CCDC174: variants seen among roughly 807,000 people sequenced by gnomAD.
CCDC174 encodes the protein coiled-coil domain-containing protein 174.
In CCDC174, 37 loss-of-function variants were observed where a neutral mutation model predicts 57.1. The observed-to-expected ratio is 0.65, with a 90% confidence interval of 0.50 to 0.85. CCDC174 has a LOEUF of 0.85. Among genes scored for constraint, CCDC174 ranks in the 40% least tolerant of loss-of-function variants. The pLI is 0.00. For missense variants in CCDC174, 540 were observed against 574.3 expected, an observed-to-expected ratio of 0.94 and a Z score of 0.61; for synonymous variants, 182 against 190.2, an observed-to-expected ratio of 0.96 and a Z score of 0.35.
rs772783871 is a variant in CCDC174, at chr3:14,654,486, C to G, written c.103C>G (p.Leu35Val). Residue 35 changes from leucine (L) to valine (V), a missense_variant, in exon 2 of 11, where the codon CTA (leucine) becomes GTA (valine). Transcript: ENST00000383794. ...KQEEFKQEKL[L>V]KDSGVFGKPK... ...AGAAGAATTCAAACAAGAAAAACTT[C>G]TAAAAGATTCTGGAGTTTTTGGAAA... 2.5e-5 allele frequency: 40 copies of G among 1,607,124 alleles called. No homozygotes were observed. Among genetic ancestry groups the G allele is most frequent in the Non-Finnish European group, 3.2e-5 (38 of 1,176,350 alleles).
At chr3:14,668,302 A>T in intron 9 of CCDC174, 121 bp downstream of exon 9, 1 of 964,358 alleles carries the variant, frequency 1.0e-6, no homozygotes, top group Non-Finnish European at 1.5e-6. Context: ...CAAACAGTAT[A>T]CCTTTGAGGT....
chr3:14,668,245 A>G (rs547963717), intron 9 of CCDC174, 64 bp downstream of exon 9: 4 of 1,460,400 alleles, frequency 2.7e-6, no homozygotes, highest in Admixed American at 4.2e-5. Flanking sequence ...ATGTCTTGCT[A>G]ATAGGGCTGG....
intron 4 of CCDC174, among the ~76,000 whole-genome samples, chr3:14,660,944 C>T (rs1038063334): frequency 2.6e-5 from 4 of 152,180 alleles, no homozygotes; most frequent in African/African-American, 9.6e-5. Flanking sequence ...GGACCATAAG[C>T]CCTGCAGGCA....
Position 14,654,551 on chromosome 3 carries a change from A to G in CCDC174, c.147+21A>G, listed in dbSNP as rs779471043. 3.4e-6 allele frequency: 4 copies of G among 1,160,310 alleles called. No homozygotes were observed. The African/African-American group carries it at 4.6e-5, about 13-fold the overall frequency. 71.9% of individuals were successfully genotyped at this position (1,160,310 alleles called of 1,614,324 possible). ...ACAAGGTAAAAAATAAGATCTAATT[A>G]TCTCCATTGGTTCCAAACATGGGAG... On this transcript the variant is annotated intron_variant, in intron 2 of 10. Coordinates refer to ENST00000383794, the MANE Select transcript of CCDC174 (RefSeq NM_016474.5).
At chr3:14,662,622 T>C in intron 5 of CCDC174, among the ~76,000 whole-genome samples, 1 of 152,250 alleles carries the variant, frequency 6.6e-6, no homozygotes, top group East Asian at 1.9e-4. Flanking sequence ...GTACTGATGC[T>C]CTGACAATTT....
intron 3 of CCDC174, among the ~76,000 whole-genome samples, chr3:14,657,506 C>T (rs1020546398): frequency 6.6e-6 from 1 of 152,226 alleles, no homozygotes; most frequent in Non-Finnish European, 1.5e-5. Flanking sequence ...TCACTAGTGA[C>T]ATCCTCATCC....
At chr3:14,670,745 C>T in intron 10 of CCDC174, 151 bp from the exon 11 acceptor site, 2 of 659,836 alleles carry the variant, frequency 3.0e-6, no homozygotes, top group Non-Finnish European at 5.2e-6. Flanking sequence ...ATTACTTATA[C>T]CTTGTAATAT....
At chr3:14,669,356 T>C (rs2031445731) in intron 9 of CCDC174, among the ~76,000 whole-genome samples, 1 of 152,244 alleles carries the variant, frequency 6.6e-6, no homozygotes, top group African/African-American at 2.4e-5. Flanking sequence ...TGTTAAGCTG[T>C]GCAGATTGTT....
At position 14,655,290 on chromosome 3, in the gene CCDC174, G is replaced by A. The variant is rs983126930; in HGVS notation, c.148-239G>A. The stretch of plus-strand genomic sequence containing the variant: ...CGCACCACCACACTCCAGCCTGGGT[G>A]ACAGAGTGAGATCCTGTCTCAAAGA... On this transcript the variant is annotated intron_variant, in intron 2 of 10. Transcript: ENST00000383794. Among the ~76,000 whole-genome samples, 12 of 151,892 alleles carry A rather than the reference G, an allele frequency of 7.9e-5. No individual in the cohort carries two copies. In the South Asian group the frequency reaches 2.5e-3, roughly 32 times the overall value.
intron 3 of CCDC174, among the ~76,000 whole-genome samples, chr3:14,657,900 C>T (rs918489950): frequency 6.6e-6 from 1 of 152,220 alleles, no homozygotes; most frequent in Admixed American, 6.5e-5. Context: ...TCTAACCTGA[C>T]ACTTGTTGCT....
rs372654465 is a variant in CCDC174, at chr3:14,655,621, C to A, written c.240C>A (p.Asp80Glu). The A allele has an allele frequency of 1.2e-6, 2 of 1,601,970 alleles. No individual in the cohort carries two copies. The highest frequency in any genetic ancestry group is 2.7e-5 in the African/African-American group (2 of 74,338). The change falls in exon 3 of 11, where the codon GAC (aspartate) becomes GAA (glutamate). Residue 80 changes from aspartate (D) to glutamate (E), a missense_variant. Coordinates refer to ENST00000383794, the MANE Select transcript of CCDC174 (RefSeq NM_016474.5). ...EQKIEEQKTL[D>E]KAREKLEEKA... The stretch of plus-strand genomic sequence containing the variant: ...AGATTGAAGAACAGAAGACTTTAGA[C>A]AAAGCAAGGTAAAGTTATAAGCTCT...
chr3:14,656,146 A>C (rs2124831958), intron 3 of CCDC174, among the ~76,000 whole-genome samples: 1 of 152,320 alleles, frequency 6.6e-6, no homozygotes, highest in African/African-American at 2.4e-5. Context: ...TCTGAGAACA[A>C]GGACATTTTC....
At chr3:14,654,834 A>G (rs938333578) in intron 2 of CCDC174, among the ~76,000 whole-genome samples, 1 of 152,244 alleles carries the variant, frequency 6.6e-6, no homozygotes, top group Non-Finnish European at 1.5e-5. Context: ...GAGATAAACA[A>G]TTAGATAATA....
In CCDC174 at chr3:14,671,092, A is replaced by C. The variant is rs766113960; in HGVS notation, c.1302A>C (p.Glu434Asp). Residue 434 changes from glutamate (E) to aspartate (D), a missense_variant, in exon 11 of 11, where the codon GAA (glutamate) becomes GAC (aspartate). Transcript: ENST00000383794. ...CPDQSHGPSP[E>D]HTSPTPAPDN... is the part of the protein sequence containing the mutation. ...ACCAGAGCCACGGACCTAGCCCTGA[A>C]CATACGTCACCCACTCCTGCCCCCG... 1 of 1,614,128 alleles carries C rather than the reference A, an allele frequency of 6.2e-7. No individual in the cohort carries two copies. The highest frequency in any genetic ancestry group is 8.5e-7 in the Non-Finnish European group (1 of 1,180,020).
At chr3:14,656,486 G>A (rs974508967) in intron 3 of CCDC174, among the ~76,000 whole-genome samples, 13 of 152,208 alleles carry the variant, frequency 8.5e-5, no homozygotes, top group African/African-American at 2.9e-4. Context: ...TACTATGTGG[G>A]CAGTGGTGTG....
Position 14,658,851 on chromosome 3 carries a change from T to G in CCDC174, c.249-20T>G, listed in dbSNP as rs1261396082. 6.5e-7 allele frequency: 1 copy of G among 1,541,588 alleles called. No homozygotes were observed. ...ACAGTTATAAGACCATTTCTAATACTTGTATTTTTTTTCTCCTAGGGAAAA... is the reference window on the plus strand; with the variant it reads ...ACAGTTATAAGACCATTTCTAATACGTGTATTTTTTTTCTCCTAGGGAAAA... On this transcript the variant is annotated intron_variant, in intron 3 of 10. Coordinates refer to ENST00000383794, the MANE Select transcript of CCDC174 (RefSeq NM_016474.5).
intron 5 of CCDC174, among the ~76,000 whole-genome samples, chr3:14,662,330 AC>A (rs915041228): frequency 3.8e-5 from 5 of 132,670 alleles, no homozygotes; most frequent in Admixed American, 7.8e-5. Context: ...TTGCTTTAAC[AC>A]CCCCCCGCCC....
intron 3 of CCDC174, among the ~76,000 whole-genome samples, chr3:14,657,172 A>G (rs985480340): frequency 6.6e-6 from 1 of 152,122 alleles, no homozygotes. Flanking sequence ...TGCTTTTTCT[A>G]TGCAGTAACT....
chr3:14,667,523 A>C lies in CCDC174; in HGVS notation c.819+5A>C. The C allele has an allele frequency of 1.9e-6, 3 of 1,608,106 alleles. No homozygotes were observed. The highest frequency in any genetic ancestry group is 1.7e-6 in the Non-Finnish European group (2 of 1,174,556). ...TTAGAGATGCTGCGTGAACAGGTAC[A>C]GATAAATCCCAAGTGACTGTGAGGA... On this transcript the variant is annotated splice_donor_5th_base_variant and intron_variant, in intron 8 of 10. Coordinates refer to ENST00000383794, the MANE Select transcript of CCDC174 (RefSeq NM_016474.5).
Sources: allele counts gnomAD v4.1 joint callset (sites outside exome capture counted in the v4.1 genomes callset), GRCh38; gene constraint gnomAD v4.1.1; transcripts MANE v1.5; gene names NCBI Gene and HGNC (gene_info 2026-07-23, HGNC 2026-07-21).